GPR107: variants seen among roughly 807,000 people sequenced by gnomAD.
GPR107 encodes protein GPR107.
In GPR107, 31 loss-of-function variants were observed where a neutral mutation model predicts 75.5. The ratio of observed to expected loss-of-function variants is 0.41; its 90% CI spans 0.31 to 0.55. The LOEUF is 0.55. Among genes scored for constraint, GPR107 ranks in the 20% least tolerant of loss-of-function variants. The pLI is 0.26. For synonymous variants in GPR107, 267 were observed against 251.3 expected (o/e 1.06, Z -0.59); for missense variants, 572 against 665.7 (o/e 0.86, Z 1.55).
chr9:130,131,880 C>T (rs782086582), intron 17 of GPR107, among the ~76,000 whole-genome samples: 5 of 152,104 alleles, frequency 3.3e-5, no homozygotes, highest in Non-Finnish European at 5.9e-5. Flanking sequence ...CCCTTCCTGT[C>T]CATCCTTCTA....
intron 1 of GPR107, among the ~76,000 whole-genome samples, chr9:130,068,826 C>T (rs1403872607): frequency 6.6e-6 from 1 of 151,488 alleles, no homozygotes; most frequent in African/African-American, 2.4e-5. Flanking sequence ...ACTGCAGCCT[C>T]CGCCTCCTGG....
intron 9 of GPR107, among the ~76,000 whole-genome samples, chr9:130,092,941 A>T (rs1005600821): frequency 6.6e-6 from 1 of 152,130 alleles, no homozygotes; most frequent in African/African-American, 2.4e-5. Context: ...AATGGTATGC[A>T]AGCAAAATAG....
chr9:130,058,620 A>C lies in GPR107; in HGVS notation c.141+4547A>C, dbSNP rs538917873. Among the ~76,000 whole-genome samples, 4 of 152,138 alleles carry C rather than the reference A, an allele frequency of 2.6e-5. No homozygotes were observed. The East Asian group carries it at 7.7e-4, about 29-fold the overall frequency. The stretch of plus-strand genomic sequence containing the variant: ...GCTGAGATTACAGGCACCTGCCACC[A>C]CGCTCAGCTAATTTTTGTATTTTTA... On this transcript the variant is annotated intron_variant, in intron 1 of 17. Coordinates refer to ENST00000347136, the MANE Select transcript of GPR107 (RefSeq NM_020960.5).
intron 7 of GPR107, among the ~76,000 whole-genome samples, chr9:130,088,029 G>T (rs937986222): frequency 6.6e-6 from 1 of 152,018 alleles, no homozygotes; most frequent in African/African-American, 2.4e-5. Flanking sequence ...TGTTCTTTAA[G>T]CTTAGTAACC....
chr9:130,055,035 A>T (rs1031134354), intron 1 of GPR107, among the ~76,000 whole-genome samples: 1 of 152,152 alleles, frequency 6.6e-6, no homozygotes, highest in African/African-American at 2.4e-5. Context: ...GTGAGCCGTG[A>T]TTACTCATTG....
At chr9:130,062,830 C>G (rs1243267916) in intron 1 of GPR107, among the ~76,000 whole-genome samples, 1 of 151,300 alleles carries the variant, frequency 6.6e-6, no homozygotes, top group African/African-American at 2.4e-5. Context: ...AGGGATCCTC[C>G]TGCCTCAGCC....
intron 1 of GPR107, among the ~76,000 whole-genome samples, chr9:130,056,640 A>C (rs1028145443): frequency 2.6e-5 from 4 of 151,734 alleles, no homozygotes; most frequent in Non-Finnish European, 5.9e-5. Context: ...AAGTTCACAA[A>C]TTTGGCTGGG....
chr9:130,073,122 T>G (rs1250958240), intron 1 of GPR107, among the ~76,000 whole-genome samples: 1 of 152,162 alleles, frequency 6.6e-6, no homozygotes, highest in African/African-American at 2.4e-5. Flanking sequence ...CACAGATGAT[T>G]TCCCCCTGCA....
intron 9 of GPR107, among the ~76,000 whole-genome samples, chr9:130,095,147 T>C (rs1216537263): frequency 6.6e-6 from 1 of 152,222 alleles, no homozygotes; most frequent in Non-Finnish European, 1.5e-5. Flanking sequence ...TTTTCTTGGC[T>C]ATGAAACTGG....
chr9:130,058,080 C>T (rs1419378257), intron 1 of GPR107, among the ~76,000 whole-genome samples: 3 of 152,256 alleles, frequency 2.0e-5, no homozygotes, highest in East Asian at 3.9e-4. Flanking sequence ...CCACCTGCCT[C>T]GGCCTCCCAA....
Position 130,092,268 on chromosome 9 carries a change from TC to T in GPR107, c.752del (p.Pro251LeufsTer47), listed in dbSNP as rs1460152404. The T allele has an allele frequency of 1.2e-6, 2 of 1,610,498 alleles. No homozygotes were observed. The highest frequency in any genetic ancestry group is 1.7e-6 in the Non-Finnish European group (2 of 1,176,778). ...SLDIEITEKN[P>X]DSYLSAGEIP... ...TTCAGATTGAGATCACAGAGAAGAA[TC>T]CTGACAGCTACCTCTCAGCAGGAGA... is the stretch of plus-strand genomic sequence containing the variant. On this transcript the variant is annotated frameshift_variant, in exon 9 of 18. Coordinates refer to ENST00000347136, the MANE Select transcript of GPR107 (RefSeq NM_020960.5). LOFTEE classifies it high-confidence loss of function.
rs550608500 is a variant in GPR107 at position 130,137,037 on chromosome 9, G to A, written c.*1916G>A. The A allele has an allele frequency of 2.6e-5, 4 of 152,278 alleles. No individual in the cohort carries two copies. The highest frequency in any genetic ancestry group is 1.9e-4 in the East Asian group (1 of 5,180). The allele number at this position is 152,278 out of a possible 1,614,324, so 9.4% of individuals were successfully genotyped here. A position where few individuals can be genotyped will look rare whatever the true frequency, so the allele number is the denominator to read the frequency against. On this transcript the variant is annotated 3_prime_UTR_variant, in exon 18 of 18. Coordinates refer to ENST00000347136, the MANE Select transcript of GPR107 (RefSeq NM_020960.5). ...GTGCAGAAACATAATACCAGTTTTC[G>A]CAGAAATGTGTCTCAATCTGTGACT...
chr9:130,115,468 T>A (rs768254704), intron 14 of GPR107, among the ~76,000 whole-genome samples: 2 of 133,886 alleles, frequency 1.5e-5, no homozygotes, highest in African/African-American at 5.3e-5. Flanking sequence ...TTGTTTTCTT[T>A]TAAAAAAAAA....
chr9:130,069,805 C>T (rs1244321660), intron 1 of GPR107, among the ~76,000 whole-genome samples: 1 of 151,920 alleles, frequency 6.6e-6, no homozygotes, highest in Admixed American at 6.6e-5. Context: ...CTTGCCTCAG[C>T]TTCTCTAGTA....
intron 15 of GPR107, among the ~76,000 whole-genome samples, chr9:130,127,144 A>G (rs925208582): frequency 1.3e-5 from 2 of 152,248 alleles, no homozygotes; most frequent in Non-Finnish European, 1.5e-5. Context: ...AAGCCTGAGC[A>G]TAAGAAATAA....
chr9:130,057,985 C>T (rs1224611383), intron 1 of GPR107, among the ~76,000 whole-genome samples: 9 of 152,042 alleles, frequency 5.9e-5, no homozygotes, highest in Non-Finnish European at 8.8e-5. Flanking sequence ...TGCGCCACCA[C>T]GCCTGGCTAA....
chr9:130,057,681 T>A (rs940598882), intron 1 of GPR107, among the ~76,000 whole-genome samples: 2 of 151,926 alleles, frequency 1.3e-5, no homozygotes, highest in African/African-American at 4.8e-5. Context: ...TTATTTTTTA[T>A]TATTTTTAAA....
intron 1 of GPR107, among the ~76,000 whole-genome samples, chr9:130,068,704 TGAG>T (rs1322224460): frequency 2.6e-5 from 4 of 151,716 alleles, no homozygotes; most frequent in Non-Finnish European, 1.5e-5. Context: ...GTTTTTAAAG[TGAG>T]GAAGAAAAGA....
chr9:130,059,253 C>T (rs775702572), intron 1 of GPR107, among the ~76,000 whole-genome samples: 3 of 152,118 alleles, frequency 2.0e-5, no homozygotes, highest in Non-Finnish European at 4.4e-5. Context: ...TTTGGGAGGC[C>T]AAGGCAGGTG....
Sources: allele counts gnomAD v4.1 joint callset (sites outside exome capture counted in the v4.1 genomes callset), GRCh38; gene constraint gnomAD v4.1.1; transcripts MANE v1.5; gene names NCBI Gene and HGNC (gene_info 2026-07-23, HGNC 2026-07-21).